Variants in DSCAML1 observed in about 807,000 individuals in gnomAD.
DSCAML1 encodes the protein DS cell adhesion molecule like 1, also known as cell adhesion molecule DSCAML1.
Under a neutral mutation model 200.5 loss-of-function variants are expected in DSCAML1, and 38 were observed. The ratio of observed to expected loss-of-function variants is 0.19; its 90% CI spans 0.15 to 0.25. DSCAML1 has a LOEUF of 0.25. DSCAML1 is among the 10% of genes least tolerant of loss of function. DSCAML1 has a pLI of 1.00. For missense variants in DSCAML1, 2,223 were observed against 2,858.8 expected (o/e 0.78, Z 5.07); for synonymous variants, 1,215 against 1,165.0 (o/e 1.04, Z -0.87).
intron 3 of DSCAML1, among the ~76,000 whole-genome samples, chr11:117,638,897 A>G (rs1029174328): frequency 2.0e-5 from 3 of 152,206 alleles, no homozygotes; most frequent in Non-Finnish European, 1.5e-5. Flanking sequence ...GTAGATACCC[A>G]GGCATGAAAT....
At position 117,649,033 on chromosome 11, in the gene DSCAML1, C is replaced by CT. The variant is rs2052574568; in HGVS notation, c.512-116512_512-116511insA. 2.0e-4 allele frequency among the ~76,000 whole-genome samples: 10 copies of CT among 50,996 alleles called. No individual in the cohort carries two copies. The South Asian group carries it at 3.6e-3, about 18-fold the overall frequency. 33.5% of individuals were successfully genotyped at this position (50,996 alleles called of 152,430 possible). On this transcript the variant is annotated intron_variant, in intron 3 of 32. Transcript: ENST00000651296. ...TCTCTCCCTCTCGCTCTCTCTCTCTCCATATATATGTGTGTGTGTGTGTGT... is the reference window on the plus strand; with the variant it reads ...TCTCTCCCTCTCGCTCTCTCTCTCTCTCATATATATGTGTGTGTGTGTGTGT...
rs1280391059 is a variant in DSCAML1, at chr11:117,463,183, T to C, written c.3266-1587A>G. Among the ~76,000 whole-genome samples the C allele has an allele frequency of 2.0e-5, 3 of 152,212 alleles. No individual in the cohort carries two copies. Among genetic ancestry groups the C allele is most frequent in the Non-Finnish European group, 2.9e-5 (2 of 68,044 alleles). Reference sequence around the variant, plus strand: ...GGCACAAGGTGAAGCAGGAAGGCTATGGGAATCAGAGATTTTGATCCAGAC... The same window carrying C: ...GGCACAAGGTGAAGCAGGAAGGCTACGGGAATCAGAGATTTTGATCCAGAC... On this transcript the variant is annotated intron_variant, in intron 17 of 32. Transcript: ENST00000651296. The surrounding 1 kb of genome is among the most constrained non-coding windows in gnomAD (Gnocchi z 4.0).
chr11:117,477,478 C>T (rs750587080), intron 14 of DSCAML1, among the ~76,000 whole-genome samples: 2 of 151,628 alleles, frequency 1.3e-5, no homozygotes, highest in Non-Finnish European at 2.9e-5. Flanking sequence ...TTTTCTTCCT[C>T]TACCACATGG....
At position 117,642,137 on chromosome 11, in the gene DSCAML1, T is replaced by TCCCCAA. The variant is rs1434804107; in HGVS notation, c.512-109621_512-109616dup. Among the ~76,000 whole-genome samples the TCCCCAA allele has an allele frequency of 6.6e-6, 1 of 152,092 alleles. No homozygotes were observed. The highest frequency in any genetic ancestry group is 1.5e-5 in the Non-Finnish European group (1 of 68,018). On this transcript the variant is annotated intron_variant, in intron 3 of 32. Coordinates refer to ENST00000651296, the MANE Select transcript of DSCAML1 (RefSeq NM_020693.4). This position sits in a 1 kb window ranked among gnomAD's most constrained non-coding sequence, Gnocchi z 4.1. ...CCCTCGAATTATTTCTGGTTTGTAA[T>TCCCCAA]CCCCAACCCCAACCACACTGGATCA...
chr11:117,645,534 A>G (rs971074041), intron 3 of DSCAML1, among the ~76,000 whole-genome samples: 44 of 152,222 alleles, frequency 2.9e-4, no homozygotes, highest in African/African-American at 1.0e-3. Flanking sequence ...GATTAAGAAA[A>G]TGTGGCACAT....
intron 8 of DSCAML1, among the ~76,000 whole-genome samples, chr11:117,510,273 C>T (rs959165956): frequency 3.3e-5 from 5 of 152,180 alleles, no homozygotes; most frequent in Non-Finnish European, 5.9e-5. Flanking sequence ...CCTTGCAGCA[C>T]GGAGATGGGG....
At chr11:117,716,716 A>C (rs994736242) in intron 3 of DSCAML1, among the ~76,000 whole-genome samples, 1 of 152,130 alleles carries the variant, frequency 6.6e-6, no homozygotes, top group African/African-American at 2.4e-5. Flanking sequence ...GGTTGGGGGG[A>C]AAAAGAAAAC....
intron 1 of DSCAML1, among the ~76,000 whole-genome samples, chr11:117,814,508 G>T (rs368927565): frequency 1.4e-4 from 21 of 152,204 alleles, no homozygotes; most frequent in African/African-American, 5.1e-4. Context: ...GGACAGGGGT[G>T]GTCCACCTGG....
chr11:117,517,941 C>A (rs59346420), intron 7 of DSCAML1, among the ~76,000 whole-genome samples: 6 of 152,218 alleles, frequency 3.9e-5, no homozygotes, highest in African/African-American at 1.4e-4. Context: ...GTGAGCCTTG[C>A]GGGAGAAGAT....
intron 3 of DSCAML1, among the ~76,000 whole-genome samples, chr11:117,659,992 G>A (rs965228652): frequency 6.6e-5 from 10 of 152,238 alleles, no homozygotes; most frequent in Admixed American, 1.3e-4. Context: ...CCAAAGTGCC[G>A]GGATTACAGG....
intron 3 of DSCAML1, among the ~76,000 whole-genome samples, chr11:117,736,932 C>T (rs1416353200): frequency 6.6e-6 from 1 of 152,150 alleles, no homozygotes; most frequent in African/African-American, 2.4e-5. Context: ...CCAGTTTCTG[C>T]TCTGTGAAGT....
intron 1 of DSCAML1, among the ~76,000 whole-genome samples, chr11:117,794,531 C>T (rs769866927): frequency 6.6e-6 from 1 of 152,166 alleles, no homozygotes; most frequent in Middle Eastern, 3.4e-3. Flanking sequence ...AAGGATGCTC[C>T]ATCTCATCCT....
chr11:117,795,983 G>A (rs1457931019), intron 1 of DSCAML1, among the ~76,000 whole-genome samples: 2 of 152,214 alleles, frequency 1.3e-5, no homozygotes, highest in East Asian at 1.9e-4. Flanking sequence ...TTGTTGGAGC[G>A]TGTGTGCTCC....
intron 3 of DSCAML1, among the ~76,000 whole-genome samples, chr11:117,561,960 A>T (rs2137416779): frequency 6.6e-6 from 1 of 152,366 alleles, no homozygotes; most frequent in Admixed American, 6.5e-5. Flanking sequence ...TGCATACAGC[A>T]ATTCTATGAG....
At chr11:117,612,060 G>C (rs1044975039) in intron 3 of DSCAML1, 17 of 152,280 alleles carry the variant, frequency 1.1e-4, no homozygotes, top group African/African-American at 4.1e-4. Flanking sequence ...TGGAGAGCAG[G>C]AAGCCTACCT....
At chr11:117,452,610 G>A (rs977868906) in intron 19 of DSCAML1, among the ~76,000 whole-genome samples, 12 of 152,108 alleles carry the variant, frequency 7.9e-5, no homozygotes, top group African/African-American at 1.2e-4. Flanking sequence ...TGCAATTATT[G>A]TTATATTCAG....
chr11:117,453,186 C>T (rs144778241), intron 19 of DSCAML1, among the ~76,000 whole-genome samples: 2,967 of 152,314 alleles, frequency 0.019, 107 homozygotes, highest in African/African-American at 0.067. Flanking sequence ...CCACCGGCCT[C>T]GGCCTCCCAA....
At chr11:117,650,686 T>TGTGC (rs764600689) in intron 3 of DSCAML1, among the ~76,000 whole-genome samples, 46 of 139,152 alleles carry the variant, frequency 3.3e-4, no homozygotes, top group Non-Finnish European at 5.6e-4. Context: ...TGTGTGTGTG[T>TGTGC]GTGTGTGTGT....
chr11:117,570,393 T>C (rs1565796107), intron 3 of DSCAML1, among the ~76,000 whole-genome samples: 1 of 152,210 alleles, frequency 6.6e-6, no homozygotes, highest in Non-Finnish European at 1.5e-5. Flanking sequence ...TCCCCCTCTG[T>C]CCCTTTACTG....
Sources: allele counts gnomAD v4.1 joint callset (sites outside exome capture counted in the v4.1 genomes callset), GRCh38; gene constraint gnomAD v4.1.1; non-coding constraint Gnocchi (gnomAD v3.1); transcripts MANE v1.5; gene names NCBI Gene and HGNC (gene_info 2026-07-23, HGNC 2026-07-21).